The following PHLDB2 variants were observed in gnomAD, a reference collection of about 807,000 sequenced individuals.
PHLDB2 encodes pleckstrin homology-like domain family B member 2.
In PHLDB2, 71 loss-of-function variants were observed where a neutral mutation model predicts 123.6. That is an observed-to-expected ratio of 0.57 (90% CI 0.47 to 0.70). The LOEUF is 0.70. Ranked by LOEUF, PHLDB2 falls within the 30% of genes least tolerant of loss-of-function variation. The probability of loss-of-function intolerance (pLI) is 0.00; values close to 1 mark genes in which losing one functional copy is unlikely to be tolerated. For missense variants in PHLDB2, 1,446 were observed against 1,519.5 expected (o/e 0.95, Z 0.80); for synonymous variants, 547 against 541.6 (o/e 1.01, Z -0.14).
chr3:111,923,614 G>A (rs77358684), intron 5 of PHLDB2, among the ~76,000 whole-genome samples: 1 of 152,040 alleles, frequency 6.6e-6, no homozygotes, highest in East Asian at 1.9e-4. Flanking sequence ...CTGAACTCTT[G>A]ATCTTATCTT....
At chr3:111,931,215 CAA>C (rs1391199272) in intron 5 of PHLDB2, among the ~76,000 whole-genome samples, 2 of 152,162 alleles carry the variant, frequency 1.3e-5, no homozygotes, top group East Asian at 3.8e-4. Context: ...GTCAAATTGT[CAA>C]AGTGCTTCAT....
At chr3:111,941,518 AG>A (rs2069882871) in intron 8 of PHLDB2, among the ~76,000 whole-genome samples, 1 of 152,288 alleles carries the variant, frequency 6.6e-6, no homozygotes, top group Admixed American at 6.5e-5. Flanking sequence ...TTAAGAGGAA[AG>A]GGGAAGGCCT....
chr3:111,938,952 T>C (rs1399324172), intron 6 of PHLDB2, among the ~76,000 whole-genome samples: 1 of 152,058 alleles, frequency 6.6e-6, no homozygotes, highest in South Asian at 2.1e-4. Context: ...GGACTACAGG[T>C]GCCCACCACC....
rs2072474181 is a variant in PHLDB2, at chr3:111,976,217, TATATTG to T, written c.*1656_*1661del. 1 of 152,312 alleles carries T rather than the reference TATATTG, an allele frequency of 6.6e-6. No individual in the cohort carries two copies. Among genetic ancestry groups the T allele is most frequent in the Non-Finnish European group, 1.5e-5 (1 of 68,040 alleles). The allele number at this position is 152,312 out of a possible 1,614,324, so 9.4% of individuals were successfully genotyped here. ...AAGCCTCTTAAATATGTGTGTTAAATATATTGAGTTTGGATTAAAATGTTGACATGA... is the reference window on the plus strand; with the variant it reads ...AAGCCTCTTAAATATGTGTGTTAAATAGTTTGGATTAAAATGTTGACATGA... On this transcript the variant is annotated 3_prime_UTR_variant, in exon 18 of 18. Transcript: ENST00000431670.
At chr3:111,819,397 G>A (rs2062259605) in intron 1 of PHLDB2, among the ~76,000 whole-genome samples, 1 of 152,196 alleles carries the variant, frequency 6.6e-6, no homozygotes, top group South Asian at 2.1e-4. Flanking sequence ...TAACCCATCT[G>A]AATTCAATGC....
intron 1 of PHLDB2, among the ~76,000 whole-genome samples, chr3:111,791,664 C>CT (rs918978149): frequency 4.0e-4 from 61 of 151,920 alleles, no homozygotes; most frequent in African/African-American, 1.4e-3. Context: ...TATACTTTAT[C>CT]TTTTTTTTAC....
chr3:111,817,289 GC>G (rs2062126494), intron 1 of PHLDB2, among the ~76,000 whole-genome samples: 1 of 152,168 alleles, frequency 6.6e-6, no homozygotes. Flanking sequence ...TTCAACATGA[GC>G]TTTGGTGGGA....
At chr3:111,888,826 A>G (rs569790329) in intron 2 of PHLDB2, among the ~76,000 whole-genome samples, 2 of 152,294 alleles carry the variant, frequency 1.3e-5, no homozygotes, top group South Asian at 4.1e-4. Context: ...AAATTTTATT[A>G]CTTCTTTATA....
chr3:111,839,940 C>CTTTTTTTTTTTTTTTTTTTTTTTT (rs3082317), intron 1 of PHLDB2, among the ~76,000 whole-genome samples: 1 of 64,946 alleles, frequency 1.5e-5, no homozygotes, highest in Non-Finnish European at 2.6e-5. Context: ...CCCACCCCCG[C>CTTTTTTTTTTTTTTTTTTTTTTTT]TTTTTTTTTT....
chr3:111,950,801 G>C (rs985859716), intron 10 of PHLDB2, among the ~76,000 whole-genome samples: 9 of 152,150 alleles, frequency 5.9e-5, no homozygotes, highest in Non-Finnish European at 1.0e-4. Context: ...ACTGCCTTAA[G>C]GTTACTGCCA....
intron 1 of PHLDB2, among the ~76,000 whole-genome samples, chr3:111,878,128 T>G (rs1559881322): frequency 6.6e-6 from 1 of 152,248 alleles, no homozygotes. Context: ...ATTGAATCTA[T>G]AAATTACTTT....
intron 11 of PHLDB2, 103 bp from the exon 12 acceptor site, chr3:111,953,827 C>A: frequency 1.2e-6 from 1 of 861,480 alleles, no homozygotes; most frequent in Admixed American, 2.4e-5. Flanking sequence ...CCTTCTCTGC[C>A]CTGTACACTT....
intron 1 of PHLDB2, among the ~76,000 whole-genome samples, chr3:111,801,384 T>C (rs2061371563): frequency 6.6e-6 from 1 of 152,222 alleles, no homozygotes; most frequent in South Asian, 2.1e-4. Context: ...CAGGTCTCCT[T>C]TGGATACAAA....
At chr3:111,868,067 A>C (rs986312011) in intron 1 of PHLDB2, among the ~76,000 whole-genome samples, 3 of 151,292 alleles carry the variant, frequency 2.0e-5, no homozygotes, top group Non-Finnish European at 4.4e-5. Context: ...TGGCATGATC[A>C]TGGCTCACTG....
chr3:111,870,242 A>C (rs949838258), intron 1 of PHLDB2, among the ~76,000 whole-genome samples: 1 of 151,864 alleles, frequency 6.6e-6, no homozygotes, highest in African/African-American at 2.4e-5. Context: ...AGGAGAGAGG[A>C]TCTGGGGCTG....
At chr3:111,773,918 C>G (rs960019888) in intron 1 of PHLDB2, among the ~76,000 whole-genome samples, 3 of 152,226 alleles carry the variant, frequency 2.0e-5, no homozygotes, top group Non-Finnish European at 4.4e-5. Flanking sequence ...CTTCCCACCA[C>G]TTACTGGGAA....
At chr3:111,949,663 C>T in intron 10 of PHLDB2, 1 of 907,356 alleles carries the variant, frequency 1.1e-6, no homozygotes, top group Non-Finnish European at 1.3e-6. Flanking sequence ...TCTTTCATTT[C>T]ATGTGGACAC....
chr3:111,832,828 T>C (rs1174587946), intron 1 of PHLDB2, among the ~76,000 whole-genome samples: 1 of 73,442 alleles, frequency 1.4e-5, no homozygotes, highest in African/African-American at 6.7e-5. Flanking sequence ...ATATATATAA[T>C]AGAATTATAC....
rs796536053 is a variant in PHLDB2, at chr3:111,794,174, G to A, written c.-48-51647G>A. On this transcript the variant is annotated intron_variant, in intron 1 of 17. Transcript: ENST00000393923. Reference sequence around the variant, plus strand: ...TGGCGATGCTTTCCAGAACCCAGTCGCTGGGATGCATGATTCCCCTCTGAC... The same window carrying A: ...TGGCGATGCTTTCCAGAACCCAGTCACTGGGATGCATGATTCCCCTCTGAC... Among the ~76,000 whole-genome samples, 20 of 152,080 alleles carry A rather than the reference G, an allele frequency of 1.3e-4. No homozygotes were observed. The East Asian group carries it at 2.5e-3, about 19-fold the overall frequency.
Sources: allele counts gnomAD v4.1 joint callset (sites outside exome capture counted in the v4.1 genomes callset), GRCh38; gene constraint gnomAD v4.1.1; transcripts MANE v1.5; gene names NCBI Gene and HGNC (gene_info 2026-07-23, HGNC 2026-07-21).